Variants in SUGCT observed in about 807,000 individuals in gnomAD.
SUGCT encodes succinyl-CoA:glutarate-CoA transferase.
A neutral mutation model predicts 55.0 loss-of-function variants in SUGCT; 41 were observed. The ratio of observed to expected loss-of-function variants is 0.74; its 90% CI spans 0.58 to 0.97. The LOEUF (loss-of-function observed/expected upper bound fraction) is 0.97, where lower values mean the gene tolerates loss of function less well. SUGCT is among the 50% of genes least tolerant of loss of function. The pLI is 0.00. For synonymous variants in SUGCT, 187 were observed against 200.4 expected (o/e 0.93, Z 0.56); for missense variants, 568 against 547.8 (o/e 1.04, Z -0.37).
intron 7 of SUGCT, among the ~76,000 whole-genome samples, chr7:40,256,096 C>A (rs1022376485): frequency 1.3e-5 from 2 of 151,912 alleles, no homozygotes; most frequent in Non-Finnish European, 2.9e-5. Flanking sequence ...TTTTATGATC[C>A]CATTGGAATT....
rs956813250 is a variant in SUGCT at position 40,715,067 on chromosome 7, G to GA, written c.1090-34357dup. ...TTGCCAGGAGTTAAGGTTGTGTATG[G>GA]AAAAAAAAAATTGTAAGGGTGTGAC... On this transcript the variant is annotated intron_variant, in intron 12 of 13. Transcript: ENST00000335693. 1.9e-3 allele frequency among the ~76,000 whole-genome samples: 276 copies of GA among 148,598 alleles called. 1 individual carries two copies. Among genetic ancestry groups the GA allele is most frequent in the Middle Eastern group, 6.9e-3 (2 of 290 alleles).
intron 12 of SUGCT, among the ~76,000 whole-genome samples, chr7:40,710,904 G>A (rs565879173): frequency 2.0e-5 from 3 of 152,206 alleles, no homozygotes; most frequent in Non-Finnish European, 4.4e-5. Flanking sequence ...TGTGTTTAGA[G>A]TGTGAAATGC....
chr7:40,806,521 G>T (rs1791101461), intron 13 of SUGCT, among the ~76,000 whole-genome samples: 2 of 151,984 alleles, frequency 1.3e-5, no homozygotes, highest in African/African-American at 4.8e-5. Context: ...AACATTAGAG[G>T]AATTATGGTG....
At chr7:40,793,952 A>G (rs1790434296) in intron 13 of SUGCT, among the ~76,000 whole-genome samples, 1 of 151,986 alleles carries the variant, frequency 6.6e-6, no homozygotes, top group Admixed American at 6.6e-5. Context: ...CTTTCCATTG[A>G]GTTTTTAAAT....
At chr7:40,220,023 G>C (rs990570018) in intron 6 of SUGCT, among the ~76,000 whole-genome samples, 1 of 152,140 alleles carries the variant, frequency 6.6e-6, no homozygotes, top group Non-Finnish European at 1.5e-5. Flanking sequence ...AGTTTGTACT[G>C]TTTTGATTTG....
chr7:40,410,730 A>C (rs1166034189), intron 9 of SUGCT, among the ~76,000 whole-genome samples: 1 of 152,146 alleles, frequency 6.6e-6, no homozygotes, highest in Non-Finnish European at 1.5e-5. Flanking sequence ...TGAAGATATC[A>C]TTCTGTTGTG....
intron 12 of SUGCT, among the ~76,000 whole-genome samples, chr7:40,645,233 C>A (rs112605820): frequency 6.6e-6 from 1 of 152,162 alleles, no homozygotes; most frequent in Non-Finnish European, 1.5e-5. Flanking sequence ...ATGTCCTCAT[C>A]GCTCTTAGGG....
In SUGCT at chr7:40,316,938, A is replaced by G. The variant is rs1280601941; in HGVS notation, c.816+83A>G. ...TTTTTGGAAAATGATTTCTTTTTATACACAAATCCTTCAGCTGTTTTTTTT... is the reference window on the plus strand; with the variant it reads ...TTTTTGGAAAATGATTTCTTTTTATGCACAAATCCTTCAGCTGTTTTTTTT... On this transcript the variant is annotated intron_variant, in intron 9 of 13. Transcript: ENST00000335693. 1.5e-5 allele frequency: 7 copies of G among 470,132 alleles called. No homozygotes were observed. The East Asian group carries it at 2.9e-4, about 20-fold the overall frequency. 29.1% of individuals were successfully genotyped at this position (470,132 alleles called of 1,614,324 possible).
intron 12 of SUGCT, among the ~76,000 whole-genome samples, chr7:40,681,351 A>G (rs950078977): frequency 1.3e-5 from 2 of 152,130 alleles, no homozygotes; most frequent in Non-Finnish European, 2.9e-5. Flanking sequence ...AATTATGTTA[A>G]TGTAATGAAG....
chr7:40,509,094 C>A (rs1321307787), intron 12 of SUGCT, among the ~76,000 whole-genome samples: 1 of 152,062 alleles, frequency 6.6e-6, no homozygotes, highest in East Asian at 1.9e-4. Context: ...ATTTATGTTT[C>A]TGGACTAACA....
chr7:40,830,404 G>A (rs903218385), intron 13 of SUGCT, among the ~76,000 whole-genome samples: 4 of 152,130 alleles, frequency 2.6e-5, no homozygotes, highest in Non-Finnish European at 5.9e-5. Flanking sequence ...CCCTGCACTA[G>A]TCATGAAGAC....
the SUGCT span, among the ~76,000 whole-genome samples, chr7:40,893,773 A>G: frequency 2.6e-5 from 4 of 152,160 alleles, no homozygotes; most frequent in Non-Finnish European, 4.4e-5. Flanking sequence ...AAACTATACT[A>G]CAAGAGGCTG....
chr7:40,495,533 T>G (rs1352738370), intron 11 of SUGCT, among the ~76,000 whole-genome samples: 1 of 152,140 alleles, frequency 6.6e-6, no homozygotes, highest in African/African-American at 2.4e-5. Context: ...TCCCTATAGA[T>G]CCAAGATTTT....
chr7:40,994,756 T>A, the SUGCT span, among the ~76,000 whole-genome samples: 2 of 152,096 alleles, frequency 1.3e-5, no homozygotes, highest in Non-Finnish European at 2.9e-5. Context: ...ATGGGAGTGA[T>A]CTCTTATGAA....
At chr7:40,908,215 A>G in the SUGCT span, among the ~76,000 whole-genome samples, 1 of 147,564 alleles carries the variant, frequency 6.8e-6, no homozygotes, top group African/African-American at 2.5e-5. Context: ...CATCTCTACT[A>G]AAAAAAAAAT....
chr7:40,674,975 A>G (rs972927376), intron 12 of SUGCT, among the ~76,000 whole-genome samples: 1 of 152,074 alleles, frequency 6.6e-6, no homozygotes, highest in African/African-American at 2.4e-5. Context: ...TTAAGAATAT[A>G]AATTAGAGTA....
At chr7:40,943,148 C>A in the SUGCT span, among the ~76,000 whole-genome samples, 5 of 151,538 alleles carry the variant, frequency 3.3e-5, no homozygotes, top group African/African-American at 1.2e-4. Flanking sequence ...TGTCATATTG[C>A]CAGAATTATT....
chr7:40,625,739 A>G (rs1359333956), intron 12 of SUGCT, among the ~76,000 whole-genome samples: 1 of 152,130 alleles, frequency 6.6e-6, no homozygotes, highest in African/African-American at 2.4e-5. Context: ...CAACATTAAC[A>G]CAGTATAGCG....
In SUGCT at chr7:40,212,286, A is replaced by T. The variant is rs1275018337; in HGVS notation, c.484+17226A>T. ...AAAAAAAAAAAGAAATTAGCTGGGA[A>T]TAGTGGCACATGCCTTTAGTCTTAT... On this transcript the variant is annotated intron_variant, in intron 6 of 13. Transcript: ENST00000335693. 3.3e-5 allele frequency among the ~76,000 whole-genome samples: 5 copies of T among 151,952 alleles called. No individual in the cohort carries two copies. In the East Asian group the frequency reaches 9.7e-4, roughly 30 times the overall value.
Sources: gnomAD v4.1 joint callset for allele counts (sites outside exome capture counted in the v4.1 genomes callset) on GRCh38, gnomAD v4.1.1 for gene constraint, MANE v1.5 for transcripts, NCBI Gene and HGNC (gene_info 2026-07-23, HGNC 2026-07-21) for gene names.